FBN3: variants seen among roughly 807,000 people sequenced by gnomAD.
The protein encoded by FBN3 is fibrillin 3.
FBN3 carries 234 observed loss-of-function variants against 330.1 expected under a neutral mutation model. The ratio of observed to expected loss-of-function variants is 0.71; its 90% CI spans 0.64 to 0.79. FBN3 has a LOEUF of 0.79. Ranked by LOEUF, FBN3 falls within the 30% of genes least tolerant of loss-of-function variation. FBN3 has a pLI of 0.00. For missense variants in FBN3, 3,606 were observed against 3,886.9 expected (o/e 0.93, Z 1.92); for synonymous variants, 1,458 against 1,517.3 (o/e 0.96, Z 0.91).
chr19:8,139,864 G>A (rs1396201988), intron 8 of FBN3, among the ~76,000 whole-genome samples: 1 of 151,894 alleles, frequency 6.6e-6, no homozygotes, highest in Non-Finnish European at 1.5e-5. Context: ...AGCTGGGAGG[G>A]CCACTGAGAG....
intron 16 of FBN3, among the ~76,000 whole-genome samples, chr19:8,130,615 A>G (rs376730890): frequency 0.02 from 205 of 10,042 alleles, 51 homozygotes; most frequent in African/African-American, 0.029. Context: ...AAAGAAAGAA[A>G]GAAAGAAAGA....
intron 59 of FBN3, among the ~76,000 whole-genome samples, chr19:8,079,178 T>G (rs2081714766): frequency 6.6e-6 from 1 of 152,062 alleles, no homozygotes; most frequent in African/African-American, 2.4e-5. Flanking sequence ...GGCTTCAGTG[T>G]GCTGTGATCA....
chr19:8,070,632 C>T (rs755582864), intron 63 of FBN3, among the ~76,000 whole-genome samples: 1 of 152,218 alleles, frequency 6.6e-6, no homozygotes, highest in Admixed American at 6.5e-5. Flanking sequence ...GTGCCATATC[C>T]ATGGAATCTC....
Position 8,118,934 on chromosome 19 carries a change from A to G in FBN3, c.3300T>C (p.Pro1100=). 6.2e-7 allele frequency: 1 copy of G among 1,613,370 alleles called. No homozygotes were observed. Among genetic ancestry groups the G allele is most frequent in the Non-Finnish European group, 8.5e-7 (1 of 1,179,306 alleles). ...TDGSYKCQCP[P]GHELTAKGTA... is the part of the protein sequence containing the mutation. ...TGCCCTTGGCCGTCAGCTCATGCCC[A>G]GGGGGACACTGGCACTTGTAGCTCC... Residue 1100 remains proline (P), a synonymous_variant, in exon 26 of 64, where the codon CCT becomes CCC. Coordinates refer to ENST00000600128, the MANE Select transcript of FBN3 (RefSeq NM_032447.5).
intron 47 of FBN3, 49 bp from the exon 48 acceptor site, chr19:8,091,639 T>C (rs34758775): frequency 0.22 from 355,842 of 1,602,052 alleles, 40,457 homozygotes; most frequent in Middle Eastern, 0.24. Flanking sequence ...AGGACCTCCA[T>C]CAGTGGGGAG....
chr19:8,134,253 A>ATAAT lies in FBN3; in HGVS notation c.1592-1148_1592-1147insATTA, dbSNP rs1555752692. On this transcript the variant is annotated intron_variant, in intron 13 of 63. Transcript: ENST00000600128. ...TGAGACTCCATCTCAAAATAAATAAATAAATAAAATAAATAAATGCATGAA... is the reference window on the plus strand; with the variant it reads ...TGAGACTCCATCTCAAAATAAATAAATAATTAAATAAAATAAATAAATGCATGAA... Among the ~76,000 whole-genome samples, 6 of 148,884 alleles carry ATAAT rather than the reference A, an allele frequency of 4.0e-5. No individual in the cohort carries two copies. In the East Asian group the frequency reaches 6.3e-4, roughly 16 times the overall value.
At chr19:8,070,152 T>C (rs1191271376) in intron 63 of FBN3, among the ~76,000 whole-genome samples, 1 of 151,862 alleles carries the variant, frequency 6.6e-6, no homozygotes, top group East Asian at 1.9e-4. Flanking sequence ...GGGGAAAAAA[T>C]AACTAGAGGG....
chr19:8,147,657 T>G, intron 1 of FBN3, 160 bp from the exon 2 acceptor site: 2 of 501,386 alleles, frequency 4.0e-6, no homozygotes, highest in East Asian at 3.3e-5. Flanking sequence ...CGGTGAACAG[T>G]CAGAGGAGGC....
chr19:8,125,366 A>G (rs2082951376), intron 22 of FBN3, among the ~76,000 whole-genome samples: 1 of 151,874 alleles, frequency 6.6e-6, no homozygotes, highest in Non-Finnish European at 1.5e-5. Context: ...GTGAGATGAG[A>G]TTGCGCCACT....
chr19:8,088,149 C>T lies in FBN3; in HGVS notation c.6407G>A (p.Cys2136Tyr). Residue 2136 changes from cysteine (C) to tyrosine (Y), a missense_variant, in exon 52 of 64, where the codon TGT (cysteine) becomes TAT (tyrosine). Transcript: ENST00000600128. ...DTDECSVGHP[C>Y]GQGTCTNVIG... ...GACATTGGTGCATGTCCCTTGCCCA[C>T]AGGGGTGGCCGACAGAGCACTCGTC... is the stretch of plus-strand genomic sequence containing the variant. 6.2e-7 allele frequency: 1 copy of T among 1,610,206 alleles called. No homozygotes were observed. The highest frequency in any genetic ancestry group is 8.5e-7 in the Non-Finnish European group (1 of 1,177,516).
At chr19:8,135,936 G>GGGGGGGGGGGGGGGGCGGCCCCCC in intron 13 of FBN3, 25 bp downstream of exon 13, 1 of 668,778 alleles carries the variant, frequency 1.5e-6, no homozygotes, top group Non-Finnish European at 2.4e-6. Flanking sequence ...GGAAGCCCCT[G>GGGGGGGGGGGGGGGGCGGCCCCCC]CCCACCCGCC....
Position 8,109,476 on chromosome 19 carries a change from A to T in FBN3, c.4457-88T>A. ...ATGCATGTGTCTATTTCAACAGGTG[A>T]CAAGGACAACCACTCTTGCAGGAGA... is the stretch of plus-strand genomic sequence containing the variant. On this transcript the variant is annotated intron_variant, in intron 35 of 63. Transcript: ENST00000600128. This position sits in a 1 kb window ranked among gnomAD's most constrained non-coding sequence, Gnocchi z 5.2. The T allele has an allele frequency of 6.5e-7, 1 of 1,548,078 alleles. No individual in the cohort carries two copies. Among genetic ancestry groups the T allele is most frequent in the Non-Finnish European group, 8.9e-7 (1 of 1,129,464 alleles).
At position 8,142,081 on chromosome 19, in the gene FBN3, G is replaced by T; in HGVS notation, c.598C>A (p.Leu200Met). The T allele has an allele frequency of 6.2e-7, 1 of 1,613,824 alleles. No homozygotes were observed. ...GCCTTGGTGCACACGAGGCCCGTCA[G>T]CTGATGCTGGCACCCCTCGGGGCCT... ...QVGPEGCQHQ[L>M]TGLVCTKALC... is the part of the protein sequence containing the mutation. Residue 200 changes from leucine to methionine, a missense_variant, in exon 7 of 64, where the codon CTG becomes ATG. Physicochemically the swap from Leu to Met is conservative, Grantham distance 15. Transcript: ENST00000600128.
intron 8 of FBN3, among the ~76,000 whole-genome samples, chr19:8,140,935 G>A (rs1023820598): frequency 6.6e-6 from 1 of 152,128 alleles, no homozygotes; most frequent in African/African-American, 2.4e-5. Flanking sequence ...GCTCACGCCT[G>A]TAATCCCAGC....
chr19:8,136,359 GC>G, intron 11 of FBN3, 28 bp downstream of exon 11: 3 of 1,608,590 alleles, frequency 1.9e-6, no homozygotes, highest in African/African-American at 2.7e-5. Context: ...AGTGAGAACC[GC>G]CCCCCCTTCC....
chr19:8,083,438 C>T (rs989737255), intron 56 of FBN3, 66 bp from the exon 57 acceptor site: 3 of 1,581,882 alleles, frequency 1.9e-6, no homozygotes, highest in East Asian at 2.2e-5. Context: ...GGAATGTCTC[C>T]TTCTCTCTGC....
Position 8,080,231 on chromosome 19 carries a change from C to T in FBN3, c.7453+772G>A, listed in dbSNP as rs74508966. 2.1e-3 allele frequency among the ~76,000 whole-genome samples: 319 copies of T among 152,348 alleles called. 1 individual carries two copies. Among genetic ancestry groups the T allele is most frequent in the African/African-American group, 7.4e-3 (306 of 41,580 alleles). ...AGCACTGCCTGGTACACAGTAGGTGCTGTCTGGGCAGATTAGTGGGCGCGT... is the reference window on the plus strand; with the variant it reads ...AGCACTGCCTGGTACACAGTAGGTGTTGTCTGGGCAGATTAGTGGGCGCGT... On this transcript the variant is annotated intron_variant, in intron 59 of 63. Coordinates refer to ENST00000600128, the MANE Select transcript of FBN3 (RefSeq NM_032447.5).
intron 56 of FBN3, among the ~76,000 whole-genome samples, chr19:8,084,558 G>A (rs1428525025): frequency 6.6e-6 from 1 of 151,902 alleles, no homozygotes; most frequent in Non-Finnish European, 1.5e-5. Flanking sequence ...GATCCTTTGG[G>A]TCTGTTAAGG....
In FBN3 at chr19:8,108,342, C is replaced by T; in HGVS notation, c.4619-104G>A. 5 of 851,948 alleles carry T rather than the reference C, an allele frequency of 5.9e-6. No homozygotes were observed. The South Asian group carries it at 6.8e-5, about 12-fold the overall frequency. The allele number at this position is 851,948 out of a possible 1,614,324, so 52.8% of individuals were successfully genotyped here. A position where few individuals can be genotyped will look rare whatever the true frequency, so the allele number is the denominator to read the frequency against. ...CCTGAAAAGGGCTCAAGAGTGGGCT[C>T]CCATCCTTCTACTGTACTAACGACA... On this transcript the variant is annotated intron_variant, in intron 36 of 63. Transcript: ENST00000600128.
Sources: allele counts gnomAD v4.1 joint callset (sites outside exome capture counted in the v4.1 genomes callset), GRCh38; gene constraint gnomAD v4.1.1; non-coding constraint Gnocchi (gnomAD v3.1); transcripts MANE v1.5; gene names NCBI Gene and HGNC (gene_info 2026-07-23, HGNC 2026-07-21).